Variants in SPIB observed in about 807,000 individuals in gnomAD.
SPIB encodes Spi-B transcription factor.
Under a neutral mutation model 31.9 loss-of-function variants are expected in SPIB, and 7 were observed. The observed-to-expected ratio is 0.22, with a 90% CI of 0.12 to 0.41. SPIB has a LOEUF of 0.41. Among genes scored for constraint, SPIB ranks in the 10% least tolerant of loss-of-function variants. SPIB has a pLI of 1.00. For synonymous variants in SPIB, 176 were observed against 158.9 expected, an observed-to-expected ratio of 1.11 and a Z score of -0.81; for missense variants, 327 against 360.2, an observed-to-expected ratio of 0.91 and a Z score of 0.75.
chr19:50,419,620 G>A (rs868251693), intron 1 of SPIB, among the ~76,000 whole-genome samples: 22 of 151,946 alleles, frequency 1.4e-4, no homozygotes, highest in Admixed American at 1.3e-3. Flanking sequence ...CAACTGACTC[G>A]CCACCAAGGC....
In SPIB at chr19:50,422,999, G is replaced by T; in HGVS notation, c.301G>T (p.Gly101Cys). 6.4e-7 allele frequency: 1 copy of T among 1,553,670 alleles called. No individual in the cohort carries two copies. The highest frequency in any genetic ancestry group is 8.7e-7 in the Non-Finnish European group (1 of 1,147,710). ...CCCCAGCCTGGAGGCCCCGGGGCCT[G>T]GCCTCCCTGCATACCCCACGGAGAA... ...LAPSLEAPGP[G>C]LPAYPTENFA... The change falls in exon 4 of 6, where the codon GGC (glycine) becomes TGC (cysteine). Residue 101 changes from glycine (G) to cysteine (C), a missense_variant. Physicochemically the swap from Gly to Cys is radical, Grantham distance 159. Transcript: ENST00000595883.
intron 5 of SPIB, among the ~76,000 whole-genome samples, chr19:50,427,641 A>T (rs2039581498): frequency 6.6e-6 from 1 of 152,246 alleles, no homozygotes; most frequent in Non-Finnish European, 1.5e-5. Context: ...AGCCAGGCCA[A>T]TGCAACTGCC....
At chr19:50,424,553 A>C (rs182856630) in intron 5 of SPIB, among the ~76,000 whole-genome samples, 53 of 152,164 alleles carry the variant, frequency 3.5e-4, no homozygotes, top group African/African-American at 9.9e-4. Flanking sequence ...GAGGCTGAGG[A>C]GGATGGATCA....
intron 5 of SPIB, among the ~76,000 whole-genome samples, chr19:50,425,950 T>C (rs2039560185): frequency 6.6e-6 from 1 of 152,146 alleles, no homozygotes; most frequent in Non-Finnish European, 1.5e-5. Flanking sequence ...GGCTCATGCC[T>C]ATAATCCCAG....
chr19:50,422,885 C>A lies in SPIB; in HGVS notation c.187C>A (p.Pro63Thr). Residue 63 changes from proline to threonine, a missense_variant, in exon 4 of 6, where the codon CCG becomes ACG. Pro to Thr is a conservative substitution (Grantham distance 38). Coordinates refer to ENST00000595883, the MANE Select transcript of SPIB (RefSeq NM_003121.5). ...AGCCACCCCCTATGAAGCCTTCGAC[C>A]CGGCAGCAGCCGCTTTTAGCCACCC... ...VPATPYEAFDPAAAAFSHPQA... is the reference protein window; with the variant it reads ...VPATPYEAFDTAAAAFSHPQA... The A allele has an allele frequency of 6.8e-6, 11 of 1,611,174 alleles. No individual in the cohort carries two copies. Among genetic ancestry groups the A allele is most frequent in the South Asian group, 1.1e-5 (1 of 90,808 alleles).
rs113339577 is a variant in SPIB, at chr19:50,423,807, G to T, written c.490+52G>T. 2.5e-4 allele frequency: 384 copies of T among 1,554,972 alleles called. No homozygotes were observed. The African/African-American group carries it at 3.2e-3, about 13-fold the overall frequency. ...AGATGCCAGCTGGAGATGGTGGGGG[G>T]GCTGAGAGCACCATGGCTTCCTGGG... On this transcript the variant is annotated intron_variant, in intron 5 of 5. Coordinates refer to ENST00000595883, the MANE Select transcript of SPIB (RefSeq NM_003121.5).
chr19:50,427,996 T>G, intron 5 of SPIB, 42 bp from the exon 6 acceptor site: 1 of 1,455,622 alleles, frequency 6.9e-7, no homozygotes, highest in Non-Finnish European at 9.1e-7. Context: ...GGCGGGGCCT[T>G]AGGGACCCCT....
chr19:50,423,818 C>T, intron 5 of SPIB, 63 bp downstream of exon 5: 1 of 1,536,486 alleles, frequency 6.5e-7, no homozygotes, highest in South Asian at 1.2e-5. Flanking sequence ...GCTGAGAGCA[C>T]CATGGCTTCC....
In SPIB at chr19:50,420,120, C is replaced by A. The variant is rs990533753; in HGVS notation, c.51+147C>A. The A allele has an allele frequency of 1.2e-5, 8 of 640,538 alleles. No individual in the cohort carries two copies. In the Middle Eastern group the frequency reaches 2.1e-3, roughly 169 times the overall value. 39.7% of individuals were successfully genotyped at this position (640,538 alleles called of 1,614,324 possible). ...CCCCTTGGTATCTCCTGCTACCCCG[C>A]ATCCGTATTTTTGATGTCTCTCTCC... On this transcript the variant is annotated intron_variant, in intron 2 of 5. Coordinates refer to ENST00000595883, the MANE Select transcript of SPIB (RefSeq NM_003121.5).
chr19:50,419,006 C>T, intron 1 of SPIB, 21 bp downstream of exon 1: 3 of 1,551,276 alleles, frequency 1.9e-6, no homozygotes, highest in East Asian at 4.9e-5. Context: ...GCCCCCAAAC[C>T]TGCACCCGGG....
At chr19:50,419,055 T>G in intron 1 of SPIB, 70 bp downstream of exon 1, 2 of 1,530,128 alleles carry the variant, frequency 1.3e-6, no homozygotes, top group Non-Finnish European at 1.8e-6. Flanking sequence ...GCCTCACCCA[T>G]GGGCAGTGGT....
chr19:50,431,014 C>G lies in SPIB; in HGVS notation c.*2678C>G, dbSNP rs1372936772. 2.0e-5 allele frequency: 3 copies of G among 152,224 alleles called. No homozygotes were observed. The highest frequency in any genetic ancestry group is 7.2e-5 in the African/African-American group (3 of 41,434). The allele number at this position is 152,224 out of a possible 1,614,324, so 9.4% of individuals were successfully genotyped here. On this transcript the variant is annotated 3_prime_UTR_variant, in exon 6 of 6. Transcript: ENST00000595883. ...TTTTACAAAAGCTATCATTGTCACCCTAAATGTGGAATAAAATAAGATGCA... is the reference window on the plus strand; with the variant it reads ...TTTTACAAAAGCTATCATTGTCACCGTAAATGTGGAATAAAATAAGATGCA...
In SPIB at chr19:50,429,328, C is replaced by T. The variant is rs1434629166; in HGVS notation, c.*992C>T. The T allele has an allele frequency of 6.5e-6, 1 of 152,674 alleles. No individual in the cohort carries two copies. Among genetic ancestry groups the T allele is most frequent in the Non-Finnish European group, 1.5e-5 (1 of 68,430 alleles). The allele number at this position is 152,674 out of a possible 1,614,324, so 9.5% of individuals were successfully genotyped here. A position where few individuals can be genotyped will look rare whatever the true frequency, so the allele number is the denominator to read the frequency against. On this transcript the variant is annotated 3_prime_UTR_variant, in exon 6 of 6. Transcript: ENST00000595883. ...CTCAAGGTCGTCACCCCCCTGCCCC[C>T]CAACCGAGGCCCCGGTCGCTGGTGG...
intron 5 of SPIB, among the ~76,000 whole-genome samples, chr19:50,424,996 A>AT (rs2039547557): frequency 6.6e-6 from 1 of 151,758 alleles, no homozygotes; most frequent in Non-Finnish European, 1.5e-5. Context: ...CATTTAAAAA[A>AT]TTTTAATTAA....
At position 50,423,171 on chromosome 19, in the gene SPIB, C is replaced by T. The variant is rs1276797439; in HGVS notation, c.339+134C>T. ...CAGAAGGTCGAGGCAATCCACTGCA[C>T]TCCAGTCTGGGCAACAGAGCAAGAC... On this transcript the variant is annotated intron_variant, in intron 4 of 5. Transcript: ENST00000595883. 14 of 480,784 alleles carry T rather than the reference C, an allele frequency of 2.9e-5. No homozygotes were observed. The Admixed American group carries it at 4.0e-4, about 14-fold the overall frequency. 29.8% of individuals were successfully genotyped at this position (480,784 alleles called of 1,614,324 possible). A position where few individuals can be genotyped will look rare whatever the true frequency, so the allele number is the denominator to read the frequency against.
chr19:50,426,418 C>A (rs1398169855), intron 5 of SPIB, among the ~76,000 whole-genome samples: 2 of 152,152 alleles, frequency 1.3e-5, no homozygotes, highest in African/African-American at 2.4e-5. Flanking sequence ...CACTGAGGAA[C>A]TCGGGGAGGG....
At position 50,430,246 on chromosome 19, in the gene SPIB, A is replaced by G. The variant is rs924235029; in HGVS notation, c.*1910A>G. On this transcript the variant is annotated 3_prime_UTR_variant, in exon 6 of 6. Coordinates refer to ENST00000595883, the MANE Select transcript of SPIB (RefSeq NM_003121.5). ...TTCTCAAGCCTGTTGGCTTTAGACC[A>G]CTGTATAAACCCAGCTGGAACTGAA... The G allele has an allele frequency of 1.3e-5, 2 of 152,144 alleles. No homozygotes were observed. The highest frequency in any genetic ancestry group is 2.1e-4 in the South Asian group (1 of 4,822). 9.4% of individuals were successfully genotyped at this position (152,144 alleles called of 1,614,324 possible).
At chr19:50,422,088 T>C (rs2039502708) in intron 2 of SPIB, among the ~76,000 whole-genome samples, 1 of 152,222 alleles carries the variant, frequency 6.6e-6, no homozygotes, top group Non-Finnish European at 1.5e-5. Flanking sequence ...CTGCCTCTGT[T>C]AAGTGAAACA....
intron 3 of SPIB, 84 bp downstream of exon 3, chr19:50,422,629 C>A (rs2039511034): frequency 4.8e-6 from 7 of 1,467,744 alleles, no homozygotes; most frequent in Admixed American, 1.8e-5. Context: ...AGGTCATTTC[C>A]TAGCACAACA....
Sources: gnomAD v4.1 joint callset for allele counts (sites outside exome capture counted in the v4.1 genomes callset) on GRCh38, gnomAD v4.1.1 for gene constraint, MANE v1.5 for transcripts, NCBI Gene and HGNC (gene_info 2026-07-23, HGNC 2026-07-21) for gene names.